Variants in NBPF3 observed in about 807,000 individuals in gnomAD.
The protein encoded by NBPF3 is NBPF family member NBPF3.
Under a neutral mutation model 78.1 loss-of-function variants are expected in NBPF3, and 57 were observed. That is an observed-to-expected ratio of 0.73 (90% CI 0.59 to 0.91). The LOEUF (loss-of-function observed/expected upper bound fraction) is 0.91, where lower values mean the gene tolerates loss of function less well. Among genes scored for constraint, NBPF3 ranks in the 40% least tolerant of loss-of-function variants. The pLI is 0.00. For synonymous variants in NBPF3, 182 were observed against 271.7 expected, an observed-to-expected ratio of 0.67 and a Z score of 3.25; for missense variants, 510 against 715.3, an observed-to-expected ratio of 0.71 and a Z score of 3.27.
intron 1 of NBPF3, among the ~76,000 whole-genome samples, chr1:21,441,169 G>A (rs1309335495): frequency 2.6e-5 from 4 of 152,166 alleles, no homozygotes; most frequent in African/African-American, 9.7e-5. Context: ...TCCTTTCTTT[G>A]CCAAAGGAAT....
chr1:21,444,905 C>T (rs895539380), intron 1 of NBPF3, 43 bp from the exon 2 acceptor site: 69 of 612,434 alleles, frequency 1.1e-4, no homozygotes, highest in Middle Eastern at 9.5e-4. Context: ...GCCGAAGCCC[C>T]AAATCTCAAT....
chr1:21,449,661 T>C (rs1487804448), intron 2 of NBPF3: 1 of 152,090 alleles, frequency 6.6e-6, no homozygotes, highest in Non-Finnish European at 1.5e-5. Flanking sequence ...AGTAGAGACA[T>C]GGTTTCTCCA....
At chr1:21,459,486 G>C (rs781555787) in intron 2 of NBPF3, among the ~76,000 whole-genome samples, 1 of 152,098 alleles carries the variant, frequency 6.6e-6, no homozygotes, top group African/African-American at 2.4e-5. Context: ...ACACACAGGA[G>C]GGCTATGGGT....
chr1:21,478,348 G>C, intron 9 of NBPF3, 41 bp downstream of exon 9: 1 of 1,600,366 alleles, frequency 6.2e-7, no homozygotes, highest in Non-Finnish European at 8.6e-7. Context: ...TCCAGTTCAT[G>C]TCCCAGGTAG....
chr1:21,438,893 C>G (rs537804989), upstream of NBPF3, among the ~76,000 whole-genome samples: 1 of 152,340 alleles, frequency 6.6e-6, no homozygotes, highest in East Asian at 1.9e-4. Context: ...TTAGAAATAG[C>G]AAATTAGTGC....
At chr1:21,447,992 GTGT>G (rs1452842749) in intron 2 of NBPF3, among the ~76,000 whole-genome samples, 1 of 151,144 alleles carries the variant, frequency 6.6e-6, no homozygotes, top group East Asian at 1.9e-4. Flanking sequence ...TTTTTTCTTT[GTGT>G]TGTTTAGTTC....
In NBPF3 at chr1:21,451,914, A is replaced by G. The variant is rs988794644; in HGVS notation, c.133+6695A>G. The G allele has an allele frequency of 4.3e-5, 41 of 946,728 alleles. 1 individual carries two copies. The African/African-American group carries it at 6.4e-4, about 15-fold the overall frequency. The allele number at this position is 946,728 out of a possible 1,614,324, so 58.6% of individuals were successfully genotyped here. ...AATGTGAGCCTATGGATCAAGGTGC[A>G]TACTCAAACACAGAGAGCTTTTTTG... On this transcript the variant is annotated intron_variant, in intron 2 of 14. Coordinates refer to ENST00000318249, the MANE Select transcript of NBPF3 (RefSeq NM_032264.6).
In NBPF3 at chr1:21,467,048, C is replaced by T. The variant is rs1642310891; in HGVS notation, c.134-1640C>T. On this transcript the variant is annotated intron_variant, in intron 2 of 14. Coordinates refer to ENST00000318249, the MANE Select transcript of NBPF3 (RefSeq NM_032264.6). Reference sequence around the variant, plus strand: ...CAAGTAAGCCACGTAACTCTGTGAACCTGCAGTTTTATCATTTTTAAAATA... The same window carrying T: ...CAAGTAAGCCACGTAACTCTGTGAATCTGCAGTTTTATCATTTTTAAAATA... 5 of 983,776 alleles carry T rather than the reference C, an allele frequency of 5.1e-6. 1 individual carries two copies. The South Asian group carries it at 1.9e-4, about 37-fold the overall frequency. 60.9% of individuals were successfully genotyped at this position (983,776 alleles called of 1,614,324 possible). A position where few individuals can be genotyped will look rare whatever the true frequency, so the allele number is the denominator to read the frequency against.
Position 21,445,013 on chromosome 1 carries a change from C to T in NBPF3, c.-74C>T, listed in dbSNP as rs1219556192. The T allele has an allele frequency of 8.6e-6, 13 of 1,508,052 alleles. No homozygotes were observed. The highest frequency in any genetic ancestry group is 4.5e-6 in the Non-Finnish European group (5 of 1,120,586). The allele number at this position is 1,508,052 out of a possible 1,614,324, so 93.4% of individuals were successfully genotyped here. A position where few individuals can be genotyped will look rare whatever the true frequency, so the allele number is the denominator to read the frequency against. On this transcript the variant is annotated 5_prime_UTR_variant, in exon 2 of 15. Coordinates refer to ENST00000318249, the MANE Select transcript of NBPF3 (RefSeq NM_032264.6). The stretch of plus-strand genomic sequence containing the variant: ...TCCTGGTGACCCAGGCTCTCACCAG[C>T]CAATTGTCCCTTGCCGTCCTCCTGA...
intron 2 of NBPF3, among the ~76,000 whole-genome samples, chr1:21,448,266 A>G (rs1229628971): frequency 6.6e-6 from 1 of 152,072 alleles, no homozygotes; most frequent in Non-Finnish European, 1.5e-5. Context: ...ATGGTTTTGC[A>G]TCTTACATTT....
chr1:21,446,937 A>T (rs1641023368), intron 2 of NBPF3, among the ~76,000 whole-genome samples: 2 of 152,198 alleles, frequency 1.3e-5, no homozygotes, highest in African/African-American at 4.8e-5. Flanking sequence ...TGCTATCTGT[A>T]TTCCAGGGGC....
At chr1:21,477,691 G>A (rs552158842) in intron 8 of NBPF3, among the ~76,000 whole-genome samples, 1 of 152,150 alleles carries the variant, frequency 6.6e-6, no homozygotes, top group African/African-American at 2.4e-5. Flanking sequence ...ATTTGTGTAA[G>A]CAAAGAAATT....
At chr1:21,456,988 A>T (rs1358873245) in intron 2 of NBPF3, among the ~76,000 whole-genome samples, 1 of 152,230 alleles carries the variant, frequency 6.6e-6, no homozygotes, top group Non-Finnish European at 1.5e-5. Flanking sequence ...AAATCTGCCA[A>T]AGCTAATTAG....
intron 7 of NBPF3, 48 bp from the exon 8 acceptor site, chr1:21,474,852 G>T (rs1419483006): frequency 6.6e-7 from 1 of 1,520,884 alleles, no homozygotes; most frequent in Non-Finnish European, 9.1e-7. Flanking sequence ...GGTCATATGT[G>T]GAGTGTGAAT....
chr1:21,442,505 T>G (rs1370435141), intron 1 of NBPF3: 1 of 152,220 alleles, frequency 6.6e-6, no homozygotes, highest in African/African-American at 2.4e-5. Context: ...CATGAGCCAC[T>G]GCACCCGGCC....
intron 7 of NBPF3, 124 bp downstream of exon 7, chr1:21,473,709 T>G: frequency 2.3e-6 from 2 of 874,472 alleles, no homozygotes; most frequent in Non-Finnish European, 3.7e-6. Context: ...AACAGAGATA[T>G]CAAGGAGGTT....
At chr1:21,443,411 TTTTA>T (rs1037145358) in intron 1 of NBPF3, among the ~76,000 whole-genome samples, 48 of 152,294 alleles carry the variant, frequency 3.2e-4, no homozygotes, top group African/African-American at 1.2e-3. Flanking sequence ...GTTTTGACTC[TTTTA>T]TTTATTTGTC....
rs538578965 is a variant in NBPF3, at chr1:21,475,139, T to A, written c.992+188T>A. Among the ~76,000 whole-genome samples the A allele has an allele frequency of 1.2e-4, 19 of 152,320 alleles. No homozygotes were observed. The South Asian group carries it at 3.5e-3, about 28-fold the overall frequency. On this transcript the variant is annotated intron_variant, in intron 8 of 14. Coordinates refer to ENST00000318249, the MANE Select transcript of NBPF3 (RefSeq NM_032264.6). ...TTTTAATTTCGTAGTCCTCTCAAGA[T>A]AGGAACTTGCAATCAGATGAGCCAG...
chr1:21,439,318 G>A (rs548285247), upstream of NBPF3, among the ~76,000 whole-genome samples: 198 of 152,050 alleles, frequency 1.3e-3, 3 homozygotes, highest in South Asian at 0.021. Flanking sequence ...GTGAAACCCC[G>A]TCTCTACTAA....
Sources: allele counts gnomAD v4.1 joint callset (sites outside exome capture counted in the v4.1 genomes callset), GRCh38; gene constraint gnomAD v4.1.1; transcripts MANE v1.5; gene names NCBI Gene and HGNC (gene_info 2026-07-23, HGNC 2026-07-21).